BCKDHA: variants seen among roughly 807,000 people sequenced by gnomAD.
BCKDHA encodes the protein 2-oxoisovalerate dehydrogenase subunit alpha, mitochondrial.
A neutral mutation model predicts 52.2 loss-of-function variants in BCKDHA; 43 were observed. The ratio of observed to expected loss-of-function variants is 0.82; its 90% CI spans 0.64 to 1.06. The LOEUF (loss-of-function observed/expected upper bound fraction) is 1.06, where lower values mean the gene tolerates loss of function less well. Among genes scored for constraint, BCKDHA ranks in the 50% least tolerant of loss-of-function variants. The pLI is 0.00. For missense variants in BCKDHA, 527 were observed against 621.3 expected (o/e 0.85, Z 1.61); for synonymous variants, 234 against 247.9 (o/e 0.94, Z 0.53).
rs551925075 is a variant in BCKDHA, at chr19:41,417,740, C to T, written c.485-1395C>T. On this transcript the variant is annotated intron_variant, in intron 4 of 8. Transcript: ENST00000269980. ...GGGAGTTTGAGACCAGCCTGACCAACATGGAGAAACCCCGTCTCTCCTGAA... is the reference window on the plus strand; with the variant it reads ...GGGAGTTTGAGACCAGCCTGACCAATATGGAGAAACCCCGTCTCTCCTGAA... Among the ~76,000 whole-genome samples the T allele has an allele frequency of 7.9e-5, 12 of 152,036 alleles. No homozygotes were observed. In the South Asian group the frequency reaches 2.3e-3, roughly 29 times the overall value.
At chr19:41,415,766 A>G (rs893560097) in intron 4 of BCKDHA, among the ~76,000 whole-genome samples, 1 of 150,926 alleles carries the variant, frequency 6.6e-6, no homozygotes, top group Non-Finnish European at 1.5e-5. Context: ...CTCCTGCTTC[A>G]GCCTCCCGAG....
At chr19:41,404,518 C>T (rs965296220) in intron 1 of BCKDHA, among the ~76,000 whole-genome samples, 61 of 151,556 alleles carry the variant, frequency 4.0e-4, no homozygotes, top group Middle Eastern at 3.4e-3. Context: ...CTCGATCTCC[C>T]GACCTCATGA....
intron 8 of BCKDHA, 145 bp downstream of exon 8, chr19:41,423,314 G>T: frequency 1.5e-6 from 2 of 1,300,378 alleles, no homozygotes; most frequent in Non-Finnish European, 2.1e-6. Context: ...GGCTGCTGGG[G>T]CCATGTGTGT....
rs760651615 is a variant in BCKDHA, at chr19:41,422,700, G to A, written c.925G>A (p.Ala309Thr). ...DGNDVFAVYN[A>T]TKEARRRAVA... is the part of the protein sequence containing the mutation. ...TAATGATGTGTTTGCCGTATACAAC[G>A]CCACAAAGGAGGCCCGACGGCGGGC... Residue 309 changes from alanine to threonine, a missense_variant, in exon 7 of 9, where the codon GCC becomes ACC. Ala to Thr is a moderately conservative substitution (Grantham distance 58, BLOSUM62 0). Transcript: ENST00000269980. 5.6e-6 allele frequency: 9 copies of A among 1,614,072 alleles called. No homozygotes were observed. The highest frequency in any genetic ancestry group is 3.3e-5 in the South Asian group (3 of 91,086).
Position 41,402,808 on chromosome 19 carries a change from T to A in BCKDHA, c.108+4873T>A, listed in dbSNP as rs543697615. Among the ~76,000 whole-genome samples, 7 of 152,188 alleles carry A rather than the reference T, an allele frequency of 4.6e-5. No individual in the cohort carries two copies. The East Asian group carries it at 1.4e-3, about 29-fold the overall frequency. On this transcript the variant is annotated intron_variant, in intron 1 of 8. Transcript: ENST00000269980. ...GGTGTGTGCCACCGTGTCCGGCTAA[T>A]TTTTATATTTTTAATAGAGACAGGG...
At chr19:41,407,660 C>A (rs1568502682) in intron 1 of BCKDHA, among the ~76,000 whole-genome samples, 1 of 152,188 alleles carries the variant, frequency 6.6e-6, no homozygotes, top group African/African-American at 2.4e-5. Flanking sequence ...TAAATACACA[C>A]ACTGAACATG....
At chr19:41,416,646 GT>G (rs1196823440) in intron 4 of BCKDHA, among the ~76,000 whole-genome samples, 1 of 152,200 alleles carries the variant, frequency 6.6e-6, no homozygotes, top group Non-Finnish European at 1.5e-5. Flanking sequence ...CGTGCCAGGT[GT>G]GGTGGCTCAC....
intron 1 of BCKDHA, among the ~76,000 whole-genome samples, chr19:41,400,880 C>T (rs1051401938): frequency 6.6e-5 from 10 of 151,604 alleles, no homozygotes; most frequent in East Asian, 2.1e-4. Flanking sequence ...GGCGTAATGG[C>T]GTGTGCCTGT....
At chr19:41,414,265 GGAA>G (rs1460573448) in intron 4 of BCKDHA, 108 bp downstream of exon 4, 1 of 1,101,108 alleles carries the variant, frequency 9.1e-7, no homozygotes, top group Non-Finnish European at 1.4e-6. Context: ...CTAAGGAGCT[GGAA>G]GAAGAGCTTT....
intron 1 of BCKDHA, among the ~76,000 whole-genome samples, chr19:41,404,607 T>C (rs1316751350): frequency 1.3e-5 from 2 of 150,498 alleles, no homozygotes; most frequent in Non-Finnish European, 3.0e-5. Context: ...TTTATTAATT[T>C]ATTTGAGATG....
Position 41,424,461 on chromosome 19 carries a change from C to A in BCKDHA, c.1191C>A (p.Ala397=). The A allele has an allele frequency of 6.2e-7, 1 of 1,614,126 alleles. No homozygotes were observed. The highest frequency in any genetic ancestry group is 8.5e-7 in the Non-Finnish European group (1 of 1,180,032). Reference sequence around the variant, plus strand: ...AGGTGATGGAGGCCTTTGAGCAGGCCGAGCGGAAGCCCAAACCCAACCCCA... The same window carrying A: ...AGGTGATGGAGGCCTTTGAGCAGGCAGAGCGGAAGCCCAAACCCAACCCCA... ...RRKVMEAFEQ[A]ERKPKPNPNL... Residue 397 remains alanine (A), a synonymous_variant, in exon 9 of 9, where the codon GCC becomes GCA. Transcript: ENST00000269980.
intron 1 of BCKDHA, among the ~76,000 whole-genome samples, chr19:41,407,193 G>A (rs574120417): frequency 3.3e-5 from 5 of 152,110 alleles, no homozygotes; most frequent in African/African-American, 7.2e-5. Flanking sequence ...GTCCCAGATC[G>A]GTGCTGAACC....
chr19:41,417,794 A>AGG (rs2039321164), intron 4 of BCKDHA, among the ~76,000 whole-genome samples: 1 of 152,038 alleles, frequency 6.6e-6, no homozygotes, highest in Non-Finnish European at 1.5e-5. Context: ...ATGTGGTGGC[A>AGG]CATGCCTGTA....
At chr19:41,422,543 C>T (rs2039379045) in intron 6 of BCKDHA, 86 bp from the exon 7 acceptor site, 4 of 1,600,770 alleles carry the variant, frequency 2.5e-6, no homozygotes, top group African/African-American at 1.3e-5. Flanking sequence ...GCCTTGCTCT[C>T]TGTCCTCTCC....
At chr19:41,402,536 A>G (rs556146376) in intron 1 of BCKDHA, among the ~76,000 whole-genome samples, 1 of 152,228 alleles carries the variant, frequency 6.6e-6, no homozygotes, top group South Asian at 2.1e-4. Context: ...GGAGCTCTGG[A>G]CTCCAAAACC....
intron 3 of BCKDHA, 138 bp from the exon 4 acceptor site, chr19:41,413,911 G>GCATGGCCTGGC: frequency 2.6e-6 from 2 of 760,196 alleles, no homozygotes; most frequent in South Asian, 2.9e-5. Flanking sequence ...AGGAACCCCA[G>GCATGGCCTGGC]CATGGCCTGG....
At position 41,417,551 on chromosome 19, in the gene BCKDHA, C is replaced by T. The variant is rs79955062; in HGVS notation, c.485-1584C>T. Among the ~76,000 whole-genome samples, 877 of 152,268 alleles carry T rather than the reference C, an allele frequency of 5.8e-3. 6 individuals are homozygous for T. Among genetic ancestry groups the T allele is most frequent in the African/African-American group, 0.02 (829 of 41,542 alleles). On this transcript the variant is annotated intron_variant, in intron 4 of 8. Transcript: ENST00000269980. ...GATTTGTATTATGTCCATTCAAAAG[C>T]ATGTGTCAGAAAATACCAGTAAACC...
At position 41,404,696 on chromosome 19, in the gene BCKDHA, C is replaced by G. The variant is rs1464258411; in HGVS notation, c.109-5941C>G. Among the ~76,000 whole-genome samples the G allele has an allele frequency of 2.6e-5, 4 of 152,102 alleles. No homozygotes were observed. The East Asian group carries it at 7.7e-4, about 29-fold the overall frequency. ...GCAACCTCCACCTCCCAGGTTCAAGCGATTCTCCTGCCTCAGCCTCCTGAG... is the reference window on the plus strand; with the variant it reads ...GCAACCTCCACCTCCCAGGTTCAAGGGATTCTCCTGCCTCAGCCTCCTGAG... On this transcript the variant is annotated intron_variant, in intron 1 of 8. Coordinates refer to ENST00000269980, the MANE Select transcript of BCKDHA (RefSeq NM_000709.4).
chr19:41,405,452 A>C (rs2039182530), intron 1 of BCKDHA, among the ~76,000 whole-genome samples: 1 of 151,692 alleles, frequency 6.6e-6, no homozygotes, highest in Non-Finnish European at 1.5e-5. Flanking sequence ...ATGCCCAGCT[A>C]ATTTTTTGTA....
Sources: allele counts gnomAD v4.1 joint callset (sites outside exome capture counted in the v4.1 genomes callset), GRCh38; gene constraint gnomAD v4.1.1; transcripts MANE v1.5; gene names NCBI Gene and HGNC (gene_info 2026-07-23, HGNC 2026-07-21).